PPM1K: variants seen among roughly 807,000 people sequenced by gnomAD.
The protein encoded by PPM1K is protein phosphatase Mn(2+)-dependent 1K.
Under a neutral mutation model 32.6 loss-of-function variants are expected in PPM1K, and 19 were observed. The observed-to-expected ratio is 0.58, with a 90% confidence interval of 0.41 to 0.86. The LOEUF is 0.86. Among genes scored for constraint, PPM1K ranks in the 40% least tolerant of loss-of-function variants. PPM1K has a pLI of 0.00. For synonymous variants in PPM1K, 159 were observed against 165.3 expected (o/e 0.96, Z 0.29); for missense variants, 362 against 461.2 (o/e 0.78, Z 1.97).
intron 1 of PPM1K, among the ~76,000 whole-genome samples, chr4:88,282,500 G>A (rs1732053054): frequency 6.6e-6 from 1 of 152,024 alleles, no homozygotes; most frequent in African/African-American, 2.4e-5. Flanking sequence ...TTTACCTATC[G>A]ACCTTTTTAG....
chr4:88,266,205 A>G (rs1731296830), intron 5 of PPM1K, among the ~76,000 whole-genome samples: 2 of 152,238 alleles, frequency 1.3e-5, no homozygotes, highest in African/African-American at 4.8e-5. Flanking sequence ...TAGAGACTAT[A>G]GTGGCTCAGG....
At chr4:88,272,112 T>C (rs77458702) in intron 3 of PPM1K, among the ~76,000 whole-genome samples, 79 of 152,362 alleles carry the variant, frequency 5.2e-4, no homozygotes, top group Non-Finnish European at 1.1e-3. Context: ...AATAATACTA[T>C]GTATAAACCA....
In PPM1K at chr4:88,259,613, C is replaced by A. The variant is rs917526104; in HGVS notation, c.*2982G>T. 1.3e-5 allele frequency: 2 copies of A among 152,038 alleles called. No individual in the cohort carries two copies. Among genetic ancestry groups the A allele is most frequent in the Non-Finnish European group, 2.9e-5 (2 of 68,028 alleles). The allele number at this position is 152,038 out of a possible 1,614,324, so 9.4% of individuals were successfully genotyped here. A position where few individuals can be genotyped will look rare whatever the true frequency, so the allele number is the denominator to read the frequency against. ...CTATGATTTGCATATTTTCCAGTATCCTAATACATGCATACTTATCTTTTA... is the reference window on the plus strand; with the variant it reads ...CTATGATTTGCATATTTTCCAGTATACTAATACATGCATACTTATCTTTTA... On this transcript the variant is annotated 3_prime_UTR_variant, in exon 7 of 7. Coordinates refer to ENST00000608933, the MANE Select transcript of PPM1K (RefSeq NM_152542.5).
rs200148554 is a variant in PPM1K at position 88,260,760 on chromosome 4, GAAAAA to G, written c.*1830_*1834del. The G allele has an allele frequency of 7.2e-6, 1 of 139,104 alleles. No individual in the cohort carries two copies. Among genetic ancestry groups the G allele is most frequent in the African/African-American group, 2.6e-5 (1 of 37,898 alleles). The allele number at this position is 139,104 out of a possible 1,614,324, so 8.6% of individuals were successfully genotyped here. A position where few individuals can be genotyped will look rare whatever the true frequency, so the allele number is the denominator to read the frequency against. On this transcript the variant is annotated 3_prime_UTR_variant, in exon 7 of 7. Transcript: ENST00000608933. ...CATACATTTTTACCCAAAGCTTAAA[GAAAAA>G]AAAAAAAGTCAACTCAAAACACAGT...
intron 3 of PPM1K, among the ~76,000 whole-genome samples, chr4:88,269,123 C>T (rs1731454132): frequency 6.6e-6 from 1 of 152,204 alleles, no homozygotes; most frequent in African/African-American, 2.4e-5. Context: ...TCCATGCAAA[C>T]GGAAAGGTTG....
chr4:88,280,021 T>C (rs1289644476), intron 1 of PPM1K, among the ~76,000 whole-genome samples: 1 of 152,164 alleles, frequency 6.6e-6, no homozygotes, highest in East Asian at 1.9e-4. Flanking sequence ...AGTCTAGCTA[T>C]GTATAGGGAA....
At chr4:88,265,774 G>A (rs1022818889) in intron 5 of PPM1K, among the ~76,000 whole-genome samples, 13 of 152,230 alleles carry the variant, frequency 8.5e-5, no homozygotes, top group African/African-American at 3.1e-4. Context: ...CATCACCAGA[G>A]GTAATCACGC....
rs1246352609 is a variant in PPM1K, at chr4:88,262,333, C to G, written c.*262G>C. 8 of 258,214 alleles carry G rather than the reference C, an allele frequency of 3.1e-5. No homozygotes were observed. In the Admixed American group the frequency reaches 4.2e-4, roughly 14 times the overall value. 16.0% of individuals were successfully genotyped at this position (258,214 alleles called of 1,614,324 possible). ...AAAATTATTAATGTGACACTCTCAT[C>G]TCTCATCAAGTGTATCCAAACCACT... On this transcript the variant is annotated 3_prime_UTR_variant, in exon 7 of 7. Transcript: ENST00000608933.
Position 88,265,037 on chromosome 4 carries a change from A to G in PPM1K, c.951T>C (p.His317=). ...QEICDFVNQC[H]DPNEAAHAVT... ...CCGCATGGGCTGCTTCGTTGGGATC[A>G]TGGCACTGATTGACAAAGTCACAAA... The change falls in exon 6 of 7, where the codon CAT becomes CAC. Residue 317 remains histidine, a synonymous_variant. Transcript: ENST00000608933. 6.2e-7 allele frequency: 1 copy of G among 1,614,160 alleles called. No homozygotes were observed. The highest frequency in any genetic ancestry group is 1.1e-5 in the South Asian group (1 of 91,080).
chr4:88,266,557 G>A (rs1731313195), intron 5 of PPM1K, among the ~76,000 whole-genome samples: 1 of 151,266 alleles, frequency 6.6e-6, no homozygotes, highest in Non-Finnish European at 1.5e-5. Context: ...CTGCGTGCAG[G>A]TGATGCTAGC....
chr4:88,278,360 A>T lies in PPM1K; in HGVS notation c.224T>A (p.Ile75Asn). The T allele has an allele frequency of 6.2e-7, 1 of 1,614,206 alleles. No homozygotes were observed. Among genetic ancestry groups the T allele is most frequent in the South Asian group, 1.1e-5 (1 of 91,082 alleles). Residue 75 changes from isoleucine to asparagine, a missense_variant, in exon 2 of 7, where the codon ATT becomes AAT. Physicochemically the swap from Ile to Asn is moderately radical, Grantham distance 149 (BLOSUM62 -3). Coordinates refer to ENST00000608933, the MANE Select transcript of PPM1K (RefSeq NM_152542.5). The surrounding 1 kb of genome is among the most constrained non-coding windows in gnomAD (Gnocchi z 4.2). ...ATACTTAATGCTGGGTGGCAGCAGA[A>T]TTGGCTCATCAATGCGGTTATCCCA... Reference protein sequence around the residue: ...GIWDNRIDEPILLPPSIKYGK... With the variant: ...GIWDNRIDEPNLLPPSIKYGK...
At chr4:88,270,309 C>T (rs1241413757) in intron 3 of PPM1K, among the ~76,000 whole-genome samples, 8 of 152,152 alleles carry the variant, frequency 5.3e-5, no homozygotes, top group Non-Finnish European at 2.9e-5. Context: ...CTTTTATAGT[C>T]ATGCTGAACT....
intron 3 of PPM1K, among the ~76,000 whole-genome samples, chr4:88,274,289 C>G (rs1731678011): frequency 6.6e-6 from 1 of 152,174 alleles, no homozygotes; most frequent in South Asian, 2.1e-4. Context: ...CCAGGAGTGA[C>G]AGCTCATTAA....
At position 88,275,308 on chromosome 4, in the gene PPM1K, T is replaced by A. The variant is rs1054647644; in HGVS notation, c.541+1835A>T. On this transcript the variant is annotated intron_variant, in intron 3 of 6. Coordinates refer to ENST00000608933, the MANE Select transcript of PPM1K (RefSeq NM_152542.5). Reference sequence around the variant, plus strand: ...AGTGTATGTGCTGCTGAAGTTAGCATATGAATTACATTTTTGTGATTAATT... The same window carrying A: ...AGTGTATGTGCTGCTGAAGTTAGCAAATGAATTACATTTTTGTGATTAATT... The A allele has an allele frequency of 7.5e-6, 7 of 939,014 alleles. No individual in the cohort carries two copies. In the Admixed American group the frequency reaches 1.9e-4, roughly 25 times the overall value. The allele number at this position is 939,014 out of a possible 1,614,324, so 58.2% of individuals were successfully genotyped here. A position where few individuals can be genotyped will look rare whatever the true frequency, so the allele number is the denominator to read the frequency against.
At chr4:88,276,581 G>C (rs187361772) in intron 3 of PPM1K, 8 of 985,288 alleles carry the variant, frequency 8.1e-6, no homozygotes, top group Non-Finnish European at 7.2e-6. Flanking sequence ...CTAGTTACCA[G>C]AGAAAAGCTG....
intron 1 of PPM1K, among the ~76,000 whole-genome samples, chr4:88,281,616 G>T (rs979951509): frequency 6.9e-5 from 10 of 144,182 alleles, no homozygotes; most frequent in Non-Finnish European, 1.5e-4. Context: ...GAGATGAAAT[G>T]TGACCCAGAT....
At chr4:88,276,732 T>G in intron 3 of PPM1K, 1 of 988,452 alleles carries the variant, frequency 1.0e-6, no homozygotes, top group African/African-American at 1.7e-5. Context: ...CCTCGCTAGA[T>G]GTGATTACCC....
rs1731767444 is a variant in PPM1K at position 88,276,354 on chromosome 4, A to G, written c.541+789T>C. On this transcript the variant is annotated intron_variant, in intron 3 of 6. Coordinates refer to ENST00000608933, the MANE Select transcript of PPM1K (RefSeq NM_152542.5). ...TCATTTTCAAATCATTTACAAGGTTACATGCACACATTCATTTGGCTGGTA... is the reference window on the plus strand; with the variant it reads ...TCATTTTCAAATCATTTACAAGGTTGCATGCACACATTCATTTGGCTGGTA... The G allele has an allele frequency of 3.0e-6, 3 of 985,330 alleles. No individual in the cohort carries two copies. In the African/African-American group the frequency reaches 5.2e-5, roughly 17 times the overall value. The allele number at this position is 985,330 out of a possible 1,614,324, so 61.0% of individuals were successfully genotyped here. A position where few individuals can be genotyped will look rare whatever the true frequency, so the allele number is the denominator to read the frequency against.
intron 5 of PPM1K, among the ~76,000 whole-genome samples, chr4:88,267,229 T>C (rs1428142124): frequency 6.7e-6 from 1 of 150,182 alleles, no homozygotes; most frequent in Non-Finnish European, 1.5e-5. Context: ...GCTGATTGGG[T>C]GCAGATGATG....
Sources: gnomAD v4.1 joint callset for allele counts (sites outside exome capture counted in the v4.1 genomes callset) on GRCh38, gnomAD v4.1.1 for gene constraint, Gnocchi (gnomAD v3.1) non-coding constraint, MANE v1.5 for transcripts, NCBI Gene and HGNC (gene_info 2026-07-23, HGNC 2026-07-21) for gene names.